The following TMPRSS13 variants were observed in gnomAD, a reference collection of about 807,000 sequenced individuals.
The protein encoded by TMPRSS13 is transmembrane protease serine 13.
In TMPRSS13, 50 loss-of-function variants were observed where a neutral mutation model predicts 68.4. The ratio of observed to expected loss-of-function variants is 0.73; its 90% CI spans 0.58 to 0.93. The LOEUF (loss-of-function observed/expected upper bound fraction) is 0.93, where lower values mean the gene tolerates loss of function less well. TMPRSS13 is among the 40% of genes least tolerant of loss of function. TMPRSS13 has a pLI of 0.00. For synonymous variants in TMPRSS13, 267 were observed against 285.8 expected (o/e 0.93, Z 0.66); for missense variants, 615 against 729.2 (o/e 0.84, Z 1.80).
chr11:117,917,051 C>T lies in TMPRSS13; in HGVS notation c.556+119G>A. 6 of 840,590 alleles carry T rather than the reference C, an allele frequency of 7.1e-6. No homozygotes were observed. In the East Asian group the frequency reaches 1.6e-4, roughly 22 times the overall value. The allele number at this position is 840,590 out of a possible 1,614,324, so 52.1% of individuals were successfully genotyped here. A position where few individuals can be genotyped will look rare whatever the true frequency, so the allele number is the denominator to read the frequency against. ...ATTTGCAGGAGTGTCCCTCTCTGGA[C>T]ACAGTAGCCGGGTGAGTGGGTGCTC... On this transcript the variant is annotated intron_variant, in intron 3 of 12. Transcript: ENST00000524993.
Position 117,905,754 on chromosome 11 carries a change from G to C in TMPRSS13, c.1283-18C>G, listed in dbSNP as rs1283842902. On this transcript the variant is annotated intron_variant, in intron 9 of 12. Coordinates refer to ENST00000524993, the MANE Select transcript of TMPRSS13 (RefSeq NM_001077263.3). ...GATGTGAGCTGCAACAAGACCTCCAGACGTCAGTGAAGGAACAAGGCTGAG... is the reference window on the plus strand; with the variant it reads ...GATGTGAGCTGCAACAAGACCTCCACACGTCAGTGAAGGAACAAGGCTGAG... 1 of 1,575,600 alleles carries C rather than the reference G, an allele frequency of 6.3e-7. No individual in the cohort carries two copies. Among genetic ancestry groups the C allele is most frequent in the African/African-American group, 1.3e-5 (1 of 74,342 alleles).
intron 2 of TMPRSS13, 106 bp from the exon 3 acceptor site, chr11:117,917,380 C>T (rs1591626527): frequency 2.7e-6 from 2 of 731,728 alleles, no homozygotes. Context: ...CCGTGAGGAC[C>T]ACTCCACCCC....
chr11:117,923,078 T>C (rs2134923354), intron 1 of TMPRSS13, among the ~76,000 whole-genome samples: 1 of 152,286 alleles, frequency 6.6e-6, no homozygotes, highest in East Asian at 1.9e-4. Flanking sequence ...TCTGGGAGTC[T>C]TTCCAAAGCC....
At chr11:117,908,464 T>A in intron 9 of TMPRSS13, 148 bp downstream of exon 9, 1 of 824,014 alleles carries the variant, frequency 1.2e-6, no homozygotes, top group East Asian at 2.7e-5. Flanking sequence ...ACAGAAGTGT[T>A]CCATGTAAGG....
intron 1 of TMPRSS13, among the ~76,000 whole-genome samples, chr11:117,920,950 C>T (rs2057639420): frequency 6.6e-6 from 1 of 152,202 alleles, no homozygotes; most frequent in South Asian, 2.1e-4. Flanking sequence ...ACCTTACCTC[C>T]TTCCCCCAGA....
chr11:117,910,738 AG>A lies in TMPRSS13; in HGVS notation c.914del (p.Pro305LeufsTer15), dbSNP rs1405654663. The A allele has an allele frequency of 1.2e-6, 2 of 1,608,462 alleles. No individual in the cohort carries two copies. The highest frequency in any genetic ancestry group is 1.7e-6 in the Non-Finnish European group (2 of 1,176,840). On this transcript the variant is annotated frameshift_variant, in exon 7 of 13. Coordinates refer to ENST00000524993, the MANE Select transcript of TMPRSS13 (RefSeq NM_001077263.3). LOFTEE classifies it high-confidence loss of function. ...IQESLHRSEC[P>X]SQRYISLQCS... The stretch of plus-strand genomic sequence containing the variant: ...ACTGGAGAGAGATATACCGCTGGGA[AG>A]GGCATTCAGACCTGCAGGGGGAGAC...
intron 1 of TMPRSS13, among the ~76,000 whole-genome samples, chr11:117,926,614 T>C (rs930132990): frequency 6.6e-6 from 1 of 152,206 alleles, no homozygotes; most frequent in Non-Finnish European, 1.5e-5. Flanking sequence ...CTCTGAGAAT[T>C]AAAAATGAGA....
chr11:117,904,330 CA>C (rs2057441761), intron 10 of TMPRSS13, among the ~76,000 whole-genome samples: 1 of 152,062 alleles, frequency 6.6e-6, no homozygotes, highest in Non-Finnish European at 1.5e-5. Context: ...GCACGTGAGA[CA>C]GAGACATCCA....
At chr11:117,926,191 G>A (rs113494567) in intron 1 of TMPRSS13, among the ~76,000 whole-genome samples, 1 of 132,610 alleles carries the variant, frequency 7.5e-6, no homozygotes, top group Non-Finnish European at 1.6e-5. Context: ...TAGGGCAGGT[G>A]CCAGGGTCCT....
In TMPRSS13 at chr11:117,905,618, C is replaced by G. The variant is rs763197553; in HGVS notation, c.1381+20G>C. On this transcript the variant is annotated intron_variant, in intron 10 of 12. Coordinates refer to ENST00000524993, the MANE Select transcript of TMPRSS13 (RefSeq NM_001077263.3). ...ATGCACATGAATACATACACACAAC[C>G]AAGCATCTTTGCCTCTTACCATCTG... is the stretch of plus-strand genomic sequence containing the variant. 1 of 1,574,672 alleles carries G rather than the reference C, an allele frequency of 6.4e-7. No individual in the cohort carries two copies. Among genetic ancestry groups the G allele is most frequent in the Admixed American group, 1.8e-5 (1 of 56,160 alleles).
chr11:117,903,647 G>T lies in TMPRSS13; in HGVS notation c.1677+8C>A, dbSNP rs763402500. 54 of 1,614,078 alleles carry T rather than the reference G, an allele frequency of 3.3e-5. No individual in the cohort carries two copies. Among genetic ancestry groups the T allele is most frequent in the Non-Finnish European group, 4.1e-5 (48 of 1,180,034 alleles). ...GCTGGGTGCAGTGTCCTGCTGCAGG[G>T]ATCTTACCTCCATCTTGCTGTAAAT... is the stretch of plus-strand genomic sequence containing the variant. On this transcript the variant is annotated splice_region_variant and intron_variant, in intron 12 of 12. Transcript: ENST00000524993.
intron 1 of TMPRSS13, among the ~76,000 whole-genome samples, chr11:117,926,507 A>G (rs1348114865): frequency 6.6e-6 from 1 of 152,258 alleles, no homozygotes; most frequent in Non-Finnish European, 1.5e-5. Flanking sequence ...AACCTGTTCC[A>G]CTTGAAGAAG....
Position 117,904,004 on chromosome 11 carries a change from C to T in TMPRSS13, c.1479G>A (p.Arg493=), listed in dbSNP as rs767823384. Residue 493 remains arginine, a synonymous_variant, in exon 11 of 13, where the codon AGG becomes AGA. Transcript: ENST00000524993. The part of the protein sequence containing the change: ...YLVYDSYLTP[R]MMCAGDLRGG... ...CACGAAGGTCCCCAGCACACATCAT[C>T]CTTGGGGTAAGGTAACTGTCATAGA... 1.2e-6 allele frequency: 2 copies of T among 1,613,408 alleles called. No homozygotes were observed. The highest frequency in any genetic ancestry group is 1.7e-5 in the Admixed American group (1 of 59,946).
Position 117,917,339 on chromosome 11 carries a change from G to C in TMPRSS13, c.452-65C>G, listed in dbSNP as rs924963144. The C allele has an allele frequency of 1.4e-5, 19 of 1,329,518 alleles. No homozygotes were observed. In the Admixed American group the frequency reaches 3.2e-4, roughly 22 times the overall value. The allele number at this position is 1,329,518 out of a possible 1,614,324, so 82.4% of individuals were successfully genotyped here. ...AGGAGTCCGACGAGATGGAGAGGGT[G>C]GGGGAAACAAGACTGTGGCCCAGGA... On this transcript the variant is annotated intron_variant, in intron 2 of 12. Coordinates refer to ENST00000524993, the MANE Select transcript of TMPRSS13 (RefSeq NM_001077263.3).
At chr11:117,912,781 G>T (rs1043807871) in intron 5 of TMPRSS13, among the ~76,000 whole-genome samples, 1 of 152,194 alleles carries the variant, frequency 6.6e-6, no homozygotes, top group African/African-American at 2.4e-5. Flanking sequence ...CACACTAGAG[G>T]TCCTTCAAGG....
chr11:117,902,898 G>T, intron 12 of TMPRSS13: 3 of 894,094 alleles, frequency 3.4e-6, no homozygotes, highest in Non-Finnish European at 4.1e-6. Flanking sequence ...GTGGAAGTGG[G>T]AGAGGGGACT....
chr11:117,921,177 T>G (rs1303876585), intron 1 of TMPRSS13, among the ~76,000 whole-genome samples: 1 of 152,140 alleles, frequency 6.6e-6, no homozygotes, highest in African/African-American at 2.4e-5. Context: ...ACAGCTCAGA[T>G]TCTAACCAGG....
At chr11:117,919,919 G>A (rs2057625770) in intron 1 of TMPRSS13, among the ~76,000 whole-genome samples, 1 of 152,248 alleles carries the variant, frequency 6.6e-6, no homozygotes, top group Admixed American at 6.5e-5. Context: ...TTGCCTTTGT[G>A]AGATTGGTTA....
Position 117,915,814 on chromosome 11 carries a change from G to A in TMPRSS13, c.557-1300C>T, listed in dbSNP as rs571892555. 6.6e-6 allele frequency among the ~76,000 whole-genome samples: 1 copy of A among 152,328 alleles called. No homozygotes were observed. The highest frequency in any genetic ancestry group is 2.1e-4 in the South Asian group (1 of 4,828). ...TGCCATCTCGCCCCTCCATGGGTTA[G>A]TCCTGTGGCTTTCATGGAGCAGGGT... On this transcript the variant is annotated intron_variant, in intron 3 of 12. Coordinates refer to ENST00000524993, the MANE Select transcript of TMPRSS13 (RefSeq NM_001077263.3). This position sits in a 1 kb window ranked among gnomAD's most constrained non-coding sequence, Gnocchi z 4.9.
Sources: gnomAD v4.1 joint callset for allele counts (sites outside exome capture counted in the v4.1 genomes callset) on GRCh38, gnomAD v4.1.1 for gene constraint, Gnocchi (gnomAD v3.1) non-coding constraint, MANE v1.5 for transcripts, NCBI Gene and HGNC (gene_info 2026-07-23, HGNC 2026-07-21) for gene names.